Variants in RARA observed in about 807,000 individuals in gnomAD.
The protein encoded by RARA is PML-DDX5-RARA fusion.
RARA carries 5 observed loss-of-function variants against 42.8 expected under a neutral mutation model. The ratio of observed to expected loss-of-function variants is 0.12; its 90% confidence interval spans 0.06 to 0.25. The LOEUF is 0.25. Among genes scored for constraint, RARA ranks in the 10% least tolerant of loss-of-function variants. The pLI, the probability that RARA is intolerant of heterozygous loss-of-function variation, is 1.00. For missense variants in RARA, 402 were observed against 628.7 expected (o/e 0.64, Z 3.86); for synonymous variants, 256 against 259.5 (o/e 0.99, Z 0.13).
At position 40,354,649 on chromosome 17, in the gene RARA, A is replaced by G. The variant is rs1269740276; in HGVS notation, c.1012+143A>G. The G allele has an allele frequency of 4.7e-6, 5 of 1,055,334 alleles. No homozygotes were observed. Among genetic ancestry groups the G allele is most frequent in the African/African-American group, 3.2e-5 (2 of 62,532 alleles). 65.4% of individuals were successfully genotyped at this position (1,055,334 alleles called of 1,614,324 possible). A position where few individuals can be genotyped will look rare whatever the true frequency, so the allele number is the denominator to read the frequency against. On this transcript the variant is annotated intron_variant, in intron 7 of 8. Coordinates refer to ENST00000254066, the MANE Select transcript of RARA (RefSeq NM_000964.4). This position sits in a 1 kb window ranked among gnomAD's most constrained non-coding sequence, Gnocchi z 4.5. ...TCTGCAACTACACAGCAAGGGGGCCATGTGGGGCCTGGACTCCTGTTCCCG... is the reference window on the plus strand; with the variant it reads ...TCTGCAACTACACAGCAAGGGGGCCGTGTGGGGCCTGGACTCCTGTTCCCG...
chr17:40,310,089 T>C (rs572547642), intron 1 of RARA, among the ~76,000 whole-genome samples: 3 of 152,222 alleles, frequency 2.0e-5, no homozygotes, highest in African/African-American at 4.8e-5. Context: ...GTGGACCAGA[T>C]TGAGGAGGTC....
rs1248623337 is a variant in RARA at position 40,351,042 on chromosome 17, A to T, written c.470-868A>T. On this transcript the variant is annotated intron_variant, in intron 4 of 8. Coordinates refer to ENST00000254066, the MANE Select transcript of RARA (RefSeq NM_000964.4). This position sits in a 1 kb window ranked among gnomAD's most constrained non-coding sequence, Gnocchi z 4.1. ...GCTGCTCTGTGCCCCGGAGCTGAGC[A>T]GCTGCCATTTCAATAGAATTAAAGC... is the stretch of plus-strand genomic sequence containing the variant. Among the ~76,000 whole-genome samples, 4 of 151,120 alleles carry T rather than the reference A, an allele frequency of 2.6e-5. No homozygotes were observed. Among genetic ancestry groups the T allele is most frequent in the Admixed American group, 2.6e-4 (4 of 15,224 alleles).
rs146882913 is a variant in RARA at position 40,353,295 on chromosome 17, G to C, written c.807+788G>C. 3.9e-4 allele frequency among the ~76,000 whole-genome samples: 59 copies of C among 152,206 alleles called. 2 individuals carry two copies. In the East Asian group the frequency reaches 9.9e-3, roughly 25 times the overall value. On this transcript the variant is annotated intron_variant, in intron 6 of 8. Transcript: ENST00000254066. ...ACTGGGCTGGAGGCTGGATGCAGGG[G>C]GTGGGGGCAGGAAGAGGTGGTGGGA...
intron 1 of RARA, among the ~76,000 whole-genome samples, chr17:40,329,453 C>T (rs1277658957): frequency 2.0e-5 from 3 of 152,028 alleles, no homozygotes; most frequent in African/African-American, 4.8e-5. Flanking sequence ...ATTACAGGCA[C>T]CTGCCACCAT....
At chr17:40,322,169 G>C (rs1218562335) in intron 1 of RARA, among the ~76,000 whole-genome samples, 1 of 152,018 alleles carries the variant, frequency 6.6e-6, no homozygotes, top group Admixed American at 6.6e-5. Context: ...GAAGGGGAGG[G>C]GGGTGGAGGG....
intron 1 of RARA, among the ~76,000 whole-genome samples, chr17:40,313,060 G>T (rs1272443398): frequency 2.0e-5 from 3 of 152,202 alleles, no homozygotes; most frequent in Non-Finnish European, 2.9e-5. Context: ...CTGTGTCCAG[G>T]CTAGAAGGAG....
intron 1 of RARA, among the ~76,000 whole-genome samples, chr17:40,310,762 G>A (rs1170441965): frequency 6.6e-6 from 1 of 152,084 alleles, no homozygotes; most frequent in African/African-American, 2.4e-5. Context: ...ATGGCTATCA[G>A]TAGCAAGCAG....
chr17:40,356,639 CT>C lies in RARA; in HGVS notation c.*414del. 1.9e-6 allele frequency: 1 copy of C among 535,158 alleles called. No individual in the cohort carries two copies. Among genetic ancestry groups the C allele is most frequent in the Non-Finnish European group, 3.6e-6 (1 of 276,994 alleles). 33.2% of individuals were successfully genotyped at this position (535,158 alleles called of 1,614,324 possible). On this transcript the variant is annotated 3_prime_UTR_variant, in exon 9 of 9. Transcript: ENST00000254066. ...CAGCTGGGGAACCTCAACCTCCCCC[CT>C]GCCTCGGTTGGTGACAGAGGGGGTG...
rs145105278 is a variant in RARA at position 40,345,730 on chromosome 17, G to A, written c.179-2586G>A. ...GCCTCTGGGGAGGGAGGTTAGCAGG[G>A]ATGGGCCAGGCCCGGGCAGTCCCTC... On this transcript the variant is annotated intron_variant, in intron 2 of 8. Coordinates refer to ENST00000254066, the MANE Select transcript of RARA (RefSeq NM_000964.4). The surrounding 1 kb of genome is among the most constrained non-coding windows in gnomAD (Gnocchi z 4.8). Among the ~76,000 whole-genome samples, 2,297 of 152,320 alleles carry A rather than the reference G, an allele frequency of 0.015. 29 individuals are homozygous for A. Among genetic ancestry groups the A allele is most frequent in the Non-Finnish European group, 0.023 (1,550 of 68,016 alleles).
In RARA at chr17:40,331,392, A is replaced by T. The variant is rs1214187363; in HGVS notation, c.174A>T (p.Pro58=). 1.2e-5 allele frequency: 20 copies of T among 1,612,574 alleles called. No homozygotes were observed. In the Admixed American group the frequency reaches 3.2e-4, roughly 26 times the overall value. ...LPVSGYSTPS[P]ATIETQSSSS... ...TTAGTGGATATAGCACACCATCCCCAGCCAGTAAGTCTGGGTGTGGGGGCT... is the reference window on the plus strand; with the variant it reads ...TTAGTGGATATAGCACACCATCCCCTGCCAGTAAGTCTGGGTGTGGGGGCT... The change falls in exon 2 of 9, where the codon CCA becomes CCT. Residue 58 remains proline, a synonymous_variant. Transcript: ENST00000254066.
At position 40,349,805 on chromosome 17, in the gene RARA, CAGA is replaced by C; in HGVS notation, c.354_356del (p.Lys118del). 6.2e-7 allele frequency: 1 copy of C among 1,614,192 alleles called. No homozygotes were observed. The highest frequency in any genetic ancestry group is 8.5e-7 in the Non-Finnish European group (1 of 1,180,016). ...CCAGGGCTTCTTCCGCCGCAGCATC[CAGA>C]AGAACATGGTGTACACGTGTCACCG... is the stretch of plus-strand genomic sequence containing the variant. On this transcript the variant is annotated inframe_deletion, in exon 4 of 9. Transcript: ENST00000254066.
At chr17:40,313,275 C>T (rs993067909) in intron 1 of RARA, among the ~76,000 whole-genome samples, 7 of 152,132 alleles carry the variant, frequency 4.6e-5, no homozygotes, top group Non-Finnish European at 8.8e-5. Flanking sequence ...TGCCCATCTC[C>T]CCAACAAAAG....
intron 2 of RARA, among the ~76,000 whole-genome samples, chr17:40,333,830 T>A (rs1325495039): frequency 2.6e-5 from 4 of 152,090 alleles, no homozygotes; most frequent in African/African-American, 9.7e-5. Flanking sequence ...AGAGACAAGG[T>A]CTCACCATGT....
intron 1 of RARA, among the ~76,000 whole-genome samples, chr17:40,325,385 C>T (rs2033511802): frequency 6.6e-6 from 1 of 152,178 alleles, no homozygotes. Context: ...GGATTGTAGG[C>T]TTGCCAGGGA....
At chr17:40,348,189 A>T (rs1236498352) in intron 2 of RARA, 127 bp from the exon 3 acceptor site, 2 of 1,240,482 alleles carry the variant, frequency 1.6e-6, no homozygotes, top group Non-Finnish European at 2.2e-6. Flanking sequence ...TTTTCTTAAG[A>T]CTTGAATCCT....
chr17:40,314,686 A>G (rs192590244), intron 1 of RARA, among the ~76,000 whole-genome samples: 40 of 151,862 alleles, frequency 2.6e-4, no homozygotes, highest in Non-Finnish European at 4.7e-4. Flanking sequence ...CCCTGTCTGC[A>G]ATCCTTGGGC....
At chr17:40,342,797 G>A (rs1285635738) in intron 2 of RARA, 4 of 1,612,764 alleles carry the variant, frequency 2.5e-6, no homozygotes, top group East Asian at 4.5e-5. Flanking sequence ...TGCTCCCAGA[G>A]AAGGGGCTCC....
intron 2 of RARA, chr17:40,342,076 G>A: frequency 9.4e-7 from 1 of 1,059,160 alleles, no homozygotes. Context: ...GGTTAAGCCA[G>A]GGGCGGTGCC....
chr17:40,325,146 G>T (rs2033501023), intron 1 of RARA, among the ~76,000 whole-genome samples: 1 of 152,040 alleles, frequency 6.6e-6, no homozygotes, highest in East Asian at 1.9e-4. Flanking sequence ...AGCTACTAGG[G>T]AGGATGAGGC....
Sources: allele counts gnomAD v4.1 joint callset (sites outside exome capture counted in the v4.1 genomes callset), GRCh38; gene constraint gnomAD v4.1.1; non-coding constraint Gnocchi (gnomAD v3.1); transcripts MANE v1.5; gene names NCBI Gene and HGNC (gene_info 2026-07-23, HGNC 2026-07-21).